Variants in FGF13 observed in about 807,000 individuals in gnomAD.
The protein encoded by FGF13 is fibroblast growth factor homologous factor 2.
Under a neutral mutation model 19.5 loss-of-function variants are expected in FGF13, and 2 were observed. The observed-to-expected ratio is 0.10, with a 90% CI of 0.04 to 0.32. FGF13 has a LOEUF of 0.32. Among genes scored for constraint, FGF13 ranks in the 10% least tolerant of loss-of-function variants. The pLI is 1.00. For synonymous variants in FGF13, 72 were observed against 76.9 expected (o/e 0.94, Z 0.33); for missense variants, 113 against 192.7 (o/e 0.59, Z 2.45).
chrX:139,086,010 T>C (rs1274855873), intron 1 of FGF13, among the ~76,000 whole-genome samples: 2 of 112,622 alleles, frequency 1.8e-5, no homozygotes, highest in Non-Finnish European at 3.7e-5. Flanking sequence ...CAGAGGAAGA[T>C]TCCCAAAGAT....
At chrX:138,860,875 C>T (rs906596452) in intron 2 of FGF13, among the ~76,000 whole-genome samples, 3 of 112,058 alleles carry the variant, frequency 2.7e-5, no homozygotes, top group African/African-American at 9.7e-5. Flanking sequence ...CCCCCAGCCT[C>T]GAAAACACAG....
chrX:138,722,606 G>C (rs2090155493), intron 1 of FGF13, among the ~76,000 whole-genome samples: 1 of 111,227 alleles, frequency 9.0e-6, no homozygotes, highest in African/African-American at 3.3e-5. Flanking sequence ...TTTGATGAGA[G>C]TTTAAATAAT....
chrX:139,047,435 C>T (rs1300604173), intron 1 of FGF13, among the ~76,000 whole-genome samples: 3 of 109,741 alleles, frequency 2.7e-5, no homozygotes, highest in African/African-American at 1.0e-4. Context: ...TTTTAGGGTA[C>T]ATGTGCACAT....
At chrX:139,203,176 A>T (rs777568266) in intron 1 of FGF13, among the ~76,000 whole-genome samples, 1 of 111,276 alleles carries the variant, frequency 9.0e-6, no homozygotes, top group African/African-American at 3.3e-5. Flanking sequence ...GCGCCTCCCC[A>T]ACCCGCCGAT....
At chrX:139,120,864 C>G (rs1267047934) in intron 1 of FGF13, among the ~76,000 whole-genome samples, 9 of 112,554 alleles carry the variant, frequency 8.0e-5, no homozygotes, top group Non-Finnish European at 1.7e-4. Context: ...AAGTGACAAC[C>G]AGATTCACTA....
At chrX:138,959,673 T>C (rs1380201218) in intron 1 of FGF13, among the ~76,000 whole-genome samples, 1 of 111,621 alleles carries the variant, frequency 9.0e-6, no homozygotes, top group Non-Finnish European at 1.9e-5. Flanking sequence ...TTTGTAAGTC[T>C]CTAAGGACTT....
intron 1 of FGF13, among the ~76,000 whole-genome samples, chrX:138,977,034 A>T (rs1334793268): frequency 9.0e-6 from 1 of 111,699 alleles, no homozygotes; most frequent in Admixed American, 9.5e-5. Flanking sequence ...ATTAACTATG[A>T]CTCAGTGCAC....
At chrX:139,013,308 G>A (rs1367978404) in intron 1 of FGF13, among the ~76,000 whole-genome samples, 1 of 107,922 alleles carries the variant, frequency 9.3e-6, no homozygotes, top group Non-Finnish European at 1.9e-5. Context: ...ACTAAAAGTA[G>A]ATCTACCATT....
At chrX:139,108,480 T>C (rs1321113413) in intron 1 of FGF13, among the ~76,000 whole-genome samples, 1 of 111,169 alleles carries the variant, frequency 9.0e-6, no homozygotes, top group Admixed American at 9.6e-5. Flanking sequence ...GTCAACATTT[T>C]ACTTTATCAT....
intron 1 of FGF13, among the ~76,000 whole-genome samples, chrX:139,004,553 G>A (rs987209127): frequency 3.6e-5 from 4 of 112,623 alleles, no homozygotes; most frequent in African/African-American, 1.3e-4. Flanking sequence ...GAGAGCAAGC[G>A]AGGGCTCTGA....
intron 1 of FGF13, among the ~76,000 whole-genome samples, chrX:139,102,669 C>T (rs1016542408): frequency 2.7e-5 from 3 of 112,207 alleles, no homozygotes; most frequent in African/African-American, 6.5e-5. Context: ...TCCCTGGCCT[C>T]AAGAGGTTCC....
chrX:138,959,362 T>C (rs1277994654), intron 1 of FGF13, among the ~76,000 whole-genome samples: 2 of 112,055 alleles, frequency 1.8e-5, no homozygotes, highest in African/African-American at 6.5e-5. Flanking sequence ...GAGTTCTAAT[T>C]TGATTGCACT....
At chrX:139,143,045 T>C (rs976548048) in intron 1 of FGF13, among the ~76,000 whole-genome samples, 2 of 112,361 alleles carry the variant, frequency 1.8e-5, no homozygotes, top group African/African-American at 6.5e-5. Context: ...TAAAATGTTA[T>C]AACAGCACAC....
intron 1 of FGF13, among the ~76,000 whole-genome samples, chrX:139,037,460 A>T (rs1268818433): frequency 8.9e-6 from 1 of 111,829 alleles, no homozygotes; most frequent in Non-Finnish European, 1.9e-5. Flanking sequence ...AGTATCTGAA[A>T]ACAACACAAA....
intron 3 of FGF13, among the ~76,000 whole-genome samples, chrX:138,784,534 T>C (rs922303141): frequency 2.7e-5 from 3 of 110,542 alleles, no homozygotes; most frequent in African/African-American, 9.9e-5. Flanking sequence ...TTACCTGCTC[T>C]TTCCTTTTGG....
chrX:138,802,130 T>A (rs2090834335), intron 3 of FGF13, among the ~76,000 whole-genome samples: 1 of 111,693 alleles, frequency 9.0e-6, no homozygotes, highest in African/African-American at 3.3e-5. Flanking sequence ...CAGGTATCAC[T>A]GGGGTATGAA....
At chrX:139,102,163 T>C (rs942478902) in intron 1 of FGF13, among the ~76,000 whole-genome samples, 1 of 112,429 alleles carries the variant, frequency 8.9e-6, no homozygotes, top group African/African-American at 3.2e-5. Context: ...AACAGCCTGC[T>C]GAGGCCCCAA....
At chrX:138,677,968 G>A (rs1261519128) in intron 3 of FGF13, among the ~76,000 whole-genome samples, 1 of 112,074 alleles carries the variant, frequency 8.9e-6, no homozygotes, top group Non-Finnish European at 1.9e-5. Flanking sequence ...AGAAAATGTG[G>A]CACATATACA....
chrX:139,068,129 T>G (rs1603178412), intron 1 of FGF13, among the ~76,000 whole-genome samples: 1 of 92,938 alleles, frequency 1.1e-5, no homozygotes, highest in Admixed American at 1.2e-4. Context: ...GTCTAACGTT[T>G]AAGTCTTTAA....
Sources: allele counts gnomAD v4.1 joint callset (sites outside exome capture counted in the v4.1 genomes callset), GRCh38; gene constraint gnomAD v4.1.1; transcripts MANE v1.5; gene names NCBI Gene and HGNC (gene_info 2026-07-23, HGNC 2026-07-21).